The following CDH13 variants were observed in gnomAD, a reference collection of about 807,000 sequenced individuals.
CDH13 encodes the protein cadherin 13.
CDH13 carries 24 observed loss-of-function variants against 63.8 expected under a neutral mutation model. That is an observed-to-expected ratio of 0.38 (90% confidence interval 0.27 to 0.53). The LOEUF (loss-of-function observed/expected upper bound fraction) is 0.53, where lower values mean the gene tolerates loss of function less well. Ranked by LOEUF, CDH13 falls within the 20% of genes least tolerant of loss-of-function variation. CDH13 has a pLI of 0.85. For missense variants in CDH13, 1,049 were observed against 903.1 expected (o/e 1.16, Z -2.07); for synonymous variants, 503 against 355.3 (o/e 1.42, Z -4.67).
intron 11 of CDH13, among the ~76,000 whole-genome samples, chr16:83,751,503 G>A (rs575003981): frequency 1.3e-5 from 2 of 152,176 alleles, no homozygotes; most frequent in African/African-American, 2.4e-5. Flanking sequence ...AATGGACGCG[G>A]TGATGGCAAG....
chr16:83,045,232 G>A (rs950370693), intron 3 of CDH13, among the ~76,000 whole-genome samples: 11 of 152,278 alleles, frequency 7.2e-5, no homozygotes, highest in African/African-American at 2.2e-4. Flanking sequence ...GACAAGTCCT[G>A]TGTCATCATG....
At chr16:83,043,734 C>T (rs929377924) in intron 3 of CDH13, among the ~76,000 whole-genome samples, 2 of 151,680 alleles carry the variant, frequency 1.3e-5, no homozygotes, top group Admixed American at 6.6e-5. Context: ...TGGTGCATGC[C>T]TGTAATCCCA....
At chr16:83,329,015 T>C (rs939791835) in intron 5 of CDH13, among the ~76,000 whole-genome samples, 2 of 152,198 alleles carry the variant, frequency 1.3e-5, no homozygotes, top group Non-Finnish European at 2.9e-5. Flanking sequence ...GGATAGTCTC[T>C]ACTGGGCCTT....
Position 82,691,972 on chromosome 16 carries a change from G to A in CDH13, c.45+64835G>A, listed in dbSNP as rs115306199. ...AGATTCTGATATATGCTGACAGTTA[G>A]GAAACACTCATGTAAAGCATGTCTA... On this transcript the variant is annotated intron_variant, in intron 1 of 13. Coordinates refer to ENST00000567109, the MANE Select transcript of CDH13 (RefSeq NM_001257.5). Among the ~76,000 whole-genome samples the A allele has an allele frequency of 3.7e-3, 556 of 152,212 alleles. 3 individuals carry two copies. The highest frequency in any genetic ancestry group is 0.013 in the African/African-American group (520 of 41,532).
chr16:82,659,420 C>G (rs1221386553), intron 1 of CDH13, among the ~76,000 whole-genome samples: 3 of 152,204 alleles, frequency 2.0e-5, no homozygotes, highest in Non-Finnish European at 4.4e-5. Context: ...CTGGTTGAGT[C>G]TAGGCACTGT....
chr16:82,914,426 T>G (rs7197619), intron 2 of CDH13, among the ~76,000 whole-genome samples: 129,878 of 152,100 alleles, frequency 0.85, 55,475 homozygotes, highest in Admixed American at 0.88. Context: ...TTCTATTGTC[T>G]CATGACTAGT....
chr16:82,930,681 A>C (rs2042461968), intron 2 of CDH13, among the ~76,000 whole-genome samples: 1 of 152,208 alleles, frequency 6.6e-6, no homozygotes, highest in Admixed American at 6.5e-5. Context: ...TAGGACTCTG[A>C]GTAGTTATGC....
At chr16:83,673,618 G>T (rs191394470) in intron 9 of CDH13, among the ~76,000 whole-genome samples, 1 of 152,168 alleles carries the variant, frequency 6.6e-6, no homozygotes, top group African/African-American at 2.4e-5. Context: ...AGACTTGCAG[G>T]AAGGAGCCAT....
At chr16:82,935,020 C>G (rs2042622486) in intron 2 of CDH13, among the ~76,000 whole-genome samples, 2 of 152,180 alleles carry the variant, frequency 1.3e-5, no homozygotes, top group South Asian at 2.1e-4. Flanking sequence ...CGGCAGCACC[C>G]CGCTCCCTCG....
intron 8 of CDH13, among the ~76,000 whole-genome samples, chr16:83,652,127 A>G (rs953197197): frequency 1.3e-5 from 2 of 152,228 alleles, no homozygotes; most frequent in Admixed American, 6.5e-5. Context: ...CGACGTGCTC[A>G]TGGGAATTAC....
intron 2 of CDH13, among the ~76,000 whole-genome samples, chr16:83,023,441 G>C (rs536896672): frequency 1.4e-4 from 21 of 152,086 alleles, no homozygotes; most frequent in Non-Finnish European, 1.2e-4. Flanking sequence ...TTTCAAATCC[G>C]TGAGAAACTA....
At chr16:83,374,832 C>G (rs1597862320) in intron 6 of CDH13, among the ~76,000 whole-genome samples, 1 of 152,304 alleles carries the variant, frequency 6.6e-6, no homozygotes, top group Non-Finnish European at 1.5e-5. Flanking sequence ...TATGAATATA[C>G]TGCTTCCATA....
At chr16:83,049,747 A>G (rs975606242) in intron 3 of CDH13, among the ~76,000 whole-genome samples, 1 of 152,166 alleles carries the variant, frequency 6.6e-6, no homozygotes, top group Non-Finnish European at 1.5e-5. Context: ...TTGTTTACCC[A>G]TTCATCTGTT....
At chr16:83,715,488 G>A (rs909449439) in intron 10 of CDH13, among the ~76,000 whole-genome samples, 1 of 152,184 alleles carries the variant, frequency 6.6e-6, no homozygotes, top group African/African-American at 2.4e-5. Flanking sequence ...ACCAGGTCTT[G>A]GTAAGTCTCC....
intron 3 of CDH13, among the ~76,000 whole-genome samples, chr16:83,055,227 G>A (rs1412638051): frequency 6.6e-6 from 1 of 151,766 alleles, no homozygotes; most frequent in Non-Finnish European, 1.5e-5. Flanking sequence ...ATAAATCAGA[G>A]AACACCAAAT....
chr16:82,692,431 C>T (rs1325987062), intron 1 of CDH13, among the ~76,000 whole-genome samples: 2 of 152,198 alleles, frequency 1.3e-5, no homozygotes, highest in Admixed American at 1.3e-4. Flanking sequence ...TCATGTTTTG[C>T]ATGGCTGCAG....
At chr16:83,751,455 C>G (rs1051646016) in intron 11 of CDH13, among the ~76,000 whole-genome samples, 1 of 151,954 alleles carries the variant, frequency 6.6e-6, no homozygotes, top group Admixed American at 6.6e-5. Context: ...TACCTCCCCT[C>G]CACAAAAAAG....
At chr16:82,990,585 C>T (rs1344171342) in intron 2 of CDH13, among the ~76,000 whole-genome samples, 1 of 140,742 alleles carries the variant, frequency 7.1e-6, no homozygotes, top group African/African-American at 2.7e-5. Context: ...CTCACTTTAT[C>T]ATCCAGGCTG....
At chr16:83,645,533 A>G (rs1404003175) in intron 8 of CDH13, among the ~76,000 whole-genome samples, 1 of 41,952 alleles carries the variant, frequency 2.4e-5, no homozygotes, top group Non-Finnish European at 5.1e-5. Context: ...AAACATGCAC[A>G]CATGCCCCCC....
Sources: allele counts gnomAD v4.1 joint callset (sites outside exome capture counted in the v4.1 genomes callset), GRCh38; gene constraint gnomAD v4.1.1; transcripts MANE v1.5; gene names NCBI Gene and HGNC (gene_info 2026-07-23, HGNC 2026-07-21).